IFT20: variants seen among roughly 807,000 people sequenced by gnomAD.
IFT20 encodes intraflagellar transport protein 20 homolog.
A neutral mutation model predicts 16.9 loss-of-function variants in IFT20; 4 were observed. The ratio of observed to expected loss-of-function variants is 0.24; its 90% CI spans 0.12 to 0.54. The LOEUF is 0.54. IFT20 is among the 20% of genes least tolerant of loss of function. The pLI, the probability that IFT20 is intolerant of heterozygous loss-of-function variation, is 0.95. For synonymous variants in IFT20, 48 were observed against 49.9 expected (o/e 0.96, Z 0.16); for missense variants, 154 against 149.7 (o/e 1.03, Z -0.15).
chr17:28,334,512 G>A (rs1907003012), intron 1 of IFT20, among the ~76,000 whole-genome samples: 1 of 152,230 alleles, frequency 6.6e-6, no homozygotes, highest in African/African-American at 2.4e-5. Flanking sequence ...AGGGTAATGG[G>A]ACAGCCAGCG....
At chr17:28,332,249 T>C in intron 1 of IFT20, 5 of 1,523,910 alleles carry the variant, frequency 3.3e-6, no homozygotes, top group Non-Finnish European at 4.4e-6. Flanking sequence ...AAGAATAAAG[T>C]CCGCTTGCTT....
chr17:28,331,120 G>A (rs146223172), intron 2 of IFT20, among the ~76,000 whole-genome samples: 52 of 152,290 alleles, frequency 3.4e-4, no homozygotes, highest in African/African-American at 1.2e-3. Context: ...CTTCCCACTT[G>A]TAACCACAAA....
At chr17:28,330,739 G>A (rs1906723240) in intron 2 of IFT20, among the ~76,000 whole-genome samples, 1 of 152,168 alleles carries the variant, frequency 6.6e-6, no homozygotes, top group South Asian at 2.1e-4. Context: ...GGAGTTAGAG[G>A]ATGTGTGATC....
chr17:28,330,155 G>C (rs1254754063), intron 3 of IFT20: 2 of 625,774 alleles, frequency 3.2e-6, no homozygotes, highest in East Asian at 2.8e-5. Context: ...AGAATCGCTT[G>C]AATCTGAGAG....
rs190911860 is a variant in IFT20 at position 28,331,809 on chromosome 17, T to C, written c.127+50A>G. On this transcript the variant is annotated intron_variant, in intron 2 of 4. Transcript: ENST00000395418. ...GGGCCAAGATGAGCCTGGGGTACAG[T>C]TGAAATGGCAGCTCAAAGCTGAGTG... The C allele has an allele frequency of 2.6e-4, 422 of 1,611,124 alleles. 2 individuals are homozygous for C. In the African/African-American group the frequency reaches 4.4e-3, roughly 17 times the overall value.
intron 4 of IFT20, 148 bp downstream of exon 4, chr17:28,329,025 T>C (rs1320763213): frequency 1.5e-6 from 1 of 647,434 alleles, no homozygotes; most frequent in Non-Finnish European, 2.7e-6. Context: ...TGTAATTTTA[T>C]TTTTTAAAAT....
chr17:28,328,640 G>A lies in IFT20; in HGVS notation c.*12C>T, dbSNP rs782312110. ...TGTTTTGCCTTCCTACTATAAAAGC[G>A]AAATTTTCAGTTCATTTCTGAAAAA... is the stretch of plus-strand genomic sequence containing the variant. On this transcript the variant is annotated 3_prime_UTR_variant, in exon 5 of 5. Transcript: ENST00000395418. 101 of 1,577,410 alleles carry A rather than the reference G, an allele frequency of 6.4e-5. No individual in the cohort carries two copies. The highest frequency in any genetic ancestry group is 1.4e-4 in the African/African-American group (10 of 73,292).
At chr17:28,329,024 A>G (rs952941203) in intron 4 of IFT20, 149 bp downstream of exon 4, 4 of 644,504 alleles carry the variant, frequency 6.2e-6, no homozygotes, top group Non-Finnish European at 1.1e-5. Context: ...ATGTAATTTT[A>G]TTTTTTAAAA....
chr17:28,334,575 C>G (rs1555577058), intron 1 of IFT20, among the ~76,000 whole-genome samples: 5 of 152,256 alleles, frequency 3.3e-5, no homozygotes, highest in Non-Finnish European at 7.3e-5. Flanking sequence ...CTTGCTCAGC[C>G]TGAGAGAACC....
chr17:28,334,983 C>T (rs968275758), intron 1 of IFT20, among the ~76,000 whole-genome samples: 1 of 152,024 alleles, frequency 6.6e-6, no homozygotes, highest in Non-Finnish European at 1.5e-5. Flanking sequence ...CCATCACACG[C>T]GTGTCTGAGC....
intron 3 of IFT20, chr17:28,330,059 CAAAAAAAA>C: frequency 2.5e-6 from 1 of 402,900 alleles, no homozygotes; most frequent in Non-Finnish European, 4.2e-6. Context: ...AACTCCGTCT[CAAAAAAAA>C]AAAAAAAAAT....
chr17:28,333,942 C>CA (rs1164539392), intron 1 of IFT20, among the ~76,000 whole-genome samples: 2 of 151,990 alleles, frequency 1.3e-5, no homozygotes, highest in African/African-American at 2.4e-5. Flanking sequence ...AAAAAAAAAC[C>CA]AAAAAATCTG....
chr17:28,330,484 C>A lies in IFT20; in HGVS notation c.172G>T (p.Val58Phe). 6.2e-7 allele frequency: 1 copy of A among 1,613,972 alleles called. No homozygotes were observed. The highest frequency in any genetic ancestry group is 8.5e-7 in the Non-Finnish European group (1 of 1,179,832). The part of the protein sequence containing the change: ...QKIVGGLIEL[V>F]DQLAKEAENE... ...TCTGCTTCTTTTGCAAGTTGATCAA[C>A]AAGCTCAATTAAACCACCAACTATT... The change falls in exon 3 of 5, where the codon GTT becomes TTT. Residue 58 changes from valine (V) to phenylalanine (F), a missense_variant. Coordinates refer to ENST00000395418, the MANE Select transcript of IFT20 (RefSeq NM_001267776.2).
intron 1 of IFT20, chr17:28,332,339 G>A: frequency 1.2e-6 from 1 of 835,476 alleles, no homozygotes; most frequent in Non-Finnish European, 1.9e-6. Context: ...GGGGTACAAA[G>A]ATGAATGCAA....
At chr17:28,335,014 A>G (rs1441037576) in intron 1 of IFT20, among the ~76,000 whole-genome samples, 6 of 152,208 alleles carry the variant, frequency 3.9e-5, no homozygotes, top group Admixed American at 3.9e-4. Context: ...CACCTGGCCC[A>G]AGAGCTGGGA....
At chr17:28,334,219 G>C (rs1174562171) in intron 1 of IFT20, among the ~76,000 whole-genome samples, 2 of 152,312 alleles carry the variant, frequency 1.3e-5, no homozygotes, top group East Asian at 3.9e-4. Context: ...CACAGTTCAT[G>C]GGGGGCGGAC....
chr17:28,328,957 G>A, intron 4 of IFT20: 2 of 616,368 alleles, frequency 3.2e-6, no homozygotes, highest in Non-Finnish European at 2.9e-6. Flanking sequence ...ACCCTTTCAT[G>A]CTCAAACTAC....
chr17:28,331,173 T>C (rs1906751325), intron 2 of IFT20, among the ~76,000 whole-genome samples: 1 of 152,244 alleles, frequency 6.6e-6, no homozygotes, highest in African/African-American at 2.4e-5. Flanking sequence ...CCCACTCACT[T>C]TCTCCAATGT....
rs1438074384 is a variant in IFT20, at chr17:28,331,966, C to A, written c.20G>T (p.Gly7Val). Residue 7 changes from glycine (G) to valine (V), a missense_variant, in exon 2 of 5, where the codon GGT becomes GTT. Coordinates refer to ENST00000395418, the MANE Select transcript of IFT20 (RefSeq NM_001267776.2). The stretch of plus-strand genomic sequence containing the variant: ...TTCATCAAAGTGTAGCCCTGCTTCA[C>A]CCAGGATGTCCTTGGCCATGGCTGT... MAKDILGEAGLHFDELN... is the reference protein window; with the variant it reads MAKDILVEAGLHFDELN... The A allele has an allele frequency of 6.2e-7, 1 of 1,614,244 alleles. No homozygotes were observed. Among genetic ancestry groups the A allele is most frequent in the East Asian group, 2.2e-5 (1 of 44,888 alleles).
Sources: gnomAD v4.1 joint callset for allele counts (sites outside exome capture counted in the v4.1 genomes callset) on GRCh38, gnomAD v4.1.1 for gene constraint, MANE v1.5 for transcripts, NCBI Gene and HGNC (gene_info 2026-07-23, HGNC 2026-07-21) for gene names.